KHDRBS3: variants seen among roughly 807,000 people sequenced by gnomAD.
KHDRBS3 encodes the protein KH domain-containing, RNA-binding, signal transduction-associated protein 3.
KHDRBS3 carries 23 observed loss-of-function variants against 45.6 expected under a neutral mutation model. That is an observed-to-expected ratio of 0.50 (90% CI 0.36 to 0.72). The LOEUF (loss-of-function observed/expected upper bound fraction) is 0.72. Ranked by LOEUF, KHDRBS3 falls within the 30% of genes least tolerant of loss-of-function variation. KHDRBS3 has a pLI of 0.00. For synonymous variants in KHDRBS3, 162 were observed against 156.5 expected (o/e 1.04, Z -0.26); for missense variants, 352 against 424.8 (o/e 0.83, Z 1.51).
At chr8:135,570,484 C>A (rs570197721) in intron 5 of KHDRBS3, among the ~76,000 whole-genome samples, 2 of 151,858 alleles carry the variant, frequency 1.3e-5, no homozygotes, top group African/African-American at 4.8e-5. Flanking sequence ...TATTAATGTA[C>A]CAATCAATAT....
At chr8:135,563,794 G>C (rs1827277303) in intron 5 of KHDRBS3, among the ~76,000 whole-genome samples, 1 of 152,108 alleles carries the variant, frequency 6.6e-6, no homozygotes, top group African/African-American at 2.4e-5. Flanking sequence ...GCTGCCTTCT[G>C]TTCCTCTCCT....
At chr8:135,470,307 GT>G (rs144074964) in intron 1 of KHDRBS3, among the ~76,000 whole-genome samples, 2 of 151,146 alleles carry the variant, frequency 1.3e-5, no homozygotes, top group Admixed American at 1.3e-4. Flanking sequence ...AGTTTTACTG[GT>G]TTTTTTTTGT....
chr8:135,654,973 G>T (rs1162245386), intron 4 of KHDRBS3, among the ~76,000 whole-genome samples: 1 of 152,180 alleles, frequency 6.6e-6, no homozygotes, highest in East Asian at 1.9e-4. Flanking sequence ...GGACTGGATT[G>T]GCAGATGTCT....
At chr8:135,598,113 T>C (rs1275692888) in intron 6 of KHDRBS3, among the ~76,000 whole-genome samples, 1 of 152,212 alleles carries the variant, frequency 6.6e-6, no homozygotes, top group Admixed American at 6.5e-5. Flanking sequence ...ACCAAAGTAG[T>C]TAATACAAGT....
chr8:135,550,249 G>A (rs1368371011), intron 4 of KHDRBS3, among the ~76,000 whole-genome samples: 1 of 152,110 alleles, frequency 6.6e-6, no homozygotes, highest in African/African-American at 2.4e-5. Context: ...TGACCCTTAC[G>A]ATCCTTCCCC....
chr8:135,500,255 G>C (rs1823667896), intron 1 of KHDRBS3, among the ~76,000 whole-genome samples: 1 of 151,606 alleles, frequency 6.6e-6, no homozygotes, highest in Admixed American at 6.6e-5. Flanking sequence ...TTGGTAGTTT[G>C]GTTCTTTTTT....
intron 1 of KHDRBS3, among the ~76,000 whole-genome samples, chr8:135,460,901 A>G: frequency 6.6e-6 from 1 of 152,198 alleles, no homozygotes; most frequent in East Asian, 1.9e-4. Context: ...AAGATTGATC[A>G]ACTTCCTAAC....
intron 2 of KHDRBS3, among the ~76,000 whole-genome samples, chr8:135,524,591 T>A (rs1825084219): frequency 6.6e-6 from 1 of 152,178 alleles, no homozygotes; most frequent in African/African-American, 2.4e-5. Context: ...AATATTTCAG[T>A]TACTACTTCA....
Position 135,521,308 on chromosome 8 carries a change from A to G in KHDRBS3, c.160A>G (p.Met54Val), listed in dbSNP as rs775660307. 2.5e-6 allele frequency: 4 copies of G among 1,613,640 alleles called. No individual in the cohort carries two copies. The South Asian group carries it at 4.4e-5, about 18-fold the overall frequency. ...CATCGATGTGGTGATTAATAAGAAC[A>G]TGAAGCTGGGACAGAAAGTGTTAAT... Reference protein sequence around the residue: ...KYIDVVINKNMKLGQKVLIPV... With the variant: ...KYIDVVINKNVKLGQKVLIPV... The change falls in exon 2 of 9, where the codon ATG becomes GTG. Residue 54 changes from methionine (M) to valine (V), a missense_variant. By Grantham distance (21) the Met-to-Val change is conservative. This residue lies in a region of KHDRBS3 where 58 missense variants were observed against 64.5 expected (regional missense o/e 0.90). Transcript: ENST00000355849.
At chr8:135,588,447 A>G (rs1413923448) in intron 6 of KHDRBS3, among the ~76,000 whole-genome samples, 1 of 152,076 alleles carries the variant, frequency 6.6e-6, no homozygotes. Flanking sequence ...GCATCACTAC[A>G]TAGACGTACT....
intron 6 of KHDRBS3, among the ~76,000 whole-genome samples, chr8:135,605,818 G>A (rs904234984): frequency 6.6e-6 from 1 of 152,122 alleles, no homozygotes. Context: ...TGTCTAGTAA[G>A]TCCAATGTCT....
chr8:135,539,513 G>C (rs1390163093), intron 2 of KHDRBS3: 4 of 152,220 alleles, frequency 2.6e-5, no homozygotes, highest in Non-Finnish European at 5.9e-5. Flanking sequence ...GTCTTGTTCA[G>C]ATAAAATTGT....
At chr8:135,522,727 A>C (rs944704048) in intron 2 of KHDRBS3, among the ~76,000 whole-genome samples, 1 of 152,192 alleles carries the variant, frequency 6.6e-6, no homozygotes, top group Non-Finnish European at 1.5e-5. Flanking sequence ...GCCAACCTCA[A>C]GGAAATGTTA....
intron 6 of KHDRBS3, among the ~76,000 whole-genome samples, chr8:135,598,420 T>A (rs1829065052): frequency 6.6e-6 from 1 of 152,218 alleles, no homozygotes; most frequent in Non-Finnish European, 1.5e-5. Context: ...GAGAGATTAG[T>A]GACTTCCCCA....
intron 3 of KHDRBS3, among the ~76,000 whole-genome samples, chr8:135,543,065 A>G (rs558544429): frequency 6.6e-6 from 1 of 152,252 alleles, no homozygotes; most frequent in Non-Finnish European, 1.5e-5. Context: ...AATAAAAGCT[A>G]TCTATAGTCT....
chr8:135,643,109 C>G (rs964748422), intron 7 of KHDRBS3, among the ~76,000 whole-genome samples: 5 of 152,134 alleles, frequency 3.3e-5, no homozygotes, highest in African/African-American at 1.2e-4. Context: ...AGGCATTTTT[C>G]ATCAATACTT....
chr8:135,474,669 AG>A (rs1190919922), intron 1 of KHDRBS3, among the ~76,000 whole-genome samples: 1 of 152,238 alleles, frequency 6.6e-6, no homozygotes, highest in Non-Finnish European at 1.5e-5. Context: ...GTATCTGTGT[AG>A]GAAAAAAATG....
chr8:135,604,920 A>G (rs1280657552), intron 6 of KHDRBS3, among the ~76,000 whole-genome samples: 1 of 150,450 alleles, frequency 6.6e-6, no homozygotes, highest in Non-Finnish European at 1.5e-5. Context: ...ATTTTAGTTG[A>G]CAGTCTTTTT....
intron 1 of KHDRBS3, among the ~76,000 whole-genome samples, chr8:135,469,115 A>G (rs1391611322): frequency 6.6e-6 from 1 of 152,222 alleles, no homozygotes; most frequent in Non-Finnish European, 1.5e-5. Context: ...GCACCAATCA[A>G]TTGGGTGAAA....
Sources: gnomAD v4.1 joint callset for allele counts (sites outside exome capture counted in the v4.1 genomes callset) on GRCh38, gnomAD v4.1.1 for gene constraint, gnomAD v4.1.1 regional missense constraint, MANE v1.5 for transcripts, NCBI Gene and HGNC (gene_info 2026-07-23, HGNC 2026-07-21) for gene names.